TASOR: variants seen among roughly 807,000 people sequenced by gnomAD.
TASOR encodes transcription activation suppressor, also known as protein TASOR.
Under a neutral mutation model 178.6 loss-of-function variants are expected in TASOR, and 53 were observed. That is an observed-to-expected ratio of 0.30 (90% CI 0.24 to 0.37). The LOEUF (loss-of-function observed/expected upper bound fraction) is 0.37, where lower values mean the gene tolerates loss of function less well. Ranked by LOEUF, TASOR falls within the 10% of genes least tolerant of loss-of-function variation. The pLI, the probability that TASOR is intolerant of heterozygous loss-of-function variation, is 1.00. For missense variants in TASOR, 1,815 were observed against 1,971.4 expected, an observed-to-expected ratio of 0.92 and a Z score of 1.50; for synonymous variants, 713 against 696.2, an observed-to-expected ratio of 1.02 and a Z score of -0.38.
chr3:56,653,679 ACAG>A (rs1229451371), intron 11 of TASOR, among the ~76,000 whole-genome samples: 1 of 144,644 alleles, frequency 6.9e-6, no homozygotes, highest in Admixed American at 6.8e-5. Context: ...AATTGACCAC[ACAG>A]TAGATCTTAG....
Position 56,646,910 on chromosome 3 carries a change from A to G in TASOR, c.1827T>C (p.Pro609=), listed in dbSNP as rs1017880484. Residue 609 remains proline (P), a synonymous_variant, in exon 14 of 24, where the codon CCT becomes CCC. Coordinates refer to ENST00000683822, the MANE Select transcript of TASOR (RefSeq NM_001365635.2). ...DTCLHAYIFR[P]EVYQLPICKL... ...TACAAATAGGTAACTGATACACTTC[A>G]GGCCGAAAAATATAGGCATGCAAAC... 3 of 1,611,562 alleles carry G rather than the reference A, an allele frequency of 1.9e-6. No individual in the cohort carries two copies. In the African/African-American group the frequency reaches 4.0e-5, roughly 22 times the overall value.
At position 56,655,536 on chromosome 3, in the gene TASOR, G is replaced by A. The variant is rs921786483; in HGVS notation, c.1368+5195C>T. Among the ~76,000 whole-genome samples the A allele has an allele frequency of 4.6e-5, 7 of 152,246 alleles. 1 individual carries two copies. Among genetic ancestry groups the A allele is most frequent in the Admixed American group, 1.3e-4 (2 of 15,276 alleles). On this transcript the variant is annotated intron_variant, in intron 11 of 23. Coordinates refer to ENST00000683822, the MANE Select transcript of TASOR (RefSeq NM_001365635.2). ...AATACCAGCACTTTGGGAGGTGGAG[G>A]CATGAGGGTTGCTTAAGGCCAGGAG...
intron 1 of TASOR, among the ~76,000 whole-genome samples, chr3:56,679,112 CAAG>C (rs2031577464): frequency 6.6e-6 from 1 of 151,856 alleles, no homozygotes. Flanking sequence ...AAATAATTAG[CAAG>C]AAGAGGCTGA....
chr3:56,646,090 G>A (rs2077231931), intron 14 of TASOR, among the ~76,000 whole-genome samples: 1 of 152,204 alleles, frequency 6.6e-6, no homozygotes. Context: ...GGAGCTTGCA[G>A]TGAGCCGAGA....
At position 56,620,677 on chromosome 3, in the gene TASOR, C is replaced by T. The variant is rs932109272; in HGVS notation, c.*2360G>A. On this transcript the variant is annotated 3_prime_UTR_variant, in exon 24 of 24. Transcript: ENST00000683822. The stretch of plus-strand genomic sequence containing the variant: ...ACAAACAGGGTTACTAAGAGTTTTA[C>T]ATAAGTTATTTCTTTAGAGTGACGA... 6.6e-6 allele frequency: 1 copy of T among 152,188 alleles called. No individual in the cohort carries two copies. Among genetic ancestry groups the T allele is most frequent in the African/African-American group, 2.4e-5 (1 of 41,436 alleles). 9.4% of individuals were successfully genotyped at this position (152,188 alleles called of 1,614,324 possible). A position where few individuals can be genotyped will look rare whatever the true frequency, so the allele number is the denominator to read the frequency against.
chr3:56,682,768 G>A lies in TASOR; in HGVS notation c.239C>T (p.Ala80Val). 1 of 1,541,496 alleles carries A rather than the reference G, an allele frequency of 6.5e-7. No homozygotes were observed. The highest frequency in any genetic ancestry group is 8.8e-7 in the Non-Finnish European group (1 of 1,141,334). ...SHEQPQDSSE[A>V]GAAALPRGPE... is the part of the protein sequence containing the mutation. ...GCCTCTGGGCAGGGCGGCCGCGCCCGCCTCAGAGGAGTCCTGAGGCTGCTC... is the reference window on the plus strand; with the variant it reads ...GCCTCTGGGCAGGGCGGCCGCGCCCACCTCAGAGGAGTCCTGAGGCTGCTC... The change falls in exon 1 of 24, where the codon GCG becomes GTG. Residue 80 changes from alanine (A) to valine (V), a missense_variant. Ala to Val is a moderately conservative substitution (Grantham distance 64, BLOSUM62 0). This residue lies in a region of TASOR where 244 missense variants were observed against 202.7 expected (regional missense o/e 1.20). Transcript: ENST00000683822.
At chr3:56,650,368 C>T (rs1475357378) in intron 11 of TASOR, among the ~76,000 whole-genome samples, 2 of 152,168 alleles carry the variant, frequency 1.3e-5, no homozygotes, top group Non-Finnish European at 2.9e-5. Context: ...GCTTAGTTGA[C>T]CACTTTCTCC....
At chr3:56,642,905 G>A (rs2107568591) in intron 14 of TASOR, among the ~76,000 whole-genome samples, 1 of 152,274 alleles carries the variant, frequency 6.6e-6, no homozygotes, top group Middle Eastern at 3.4e-3. Flanking sequence ...GAACCCAGGA[G>A]GCGGAGGTTG....
rs764182186 is a variant in TASOR at position 56,633,973 on chromosome 3, AG to A, written c.2825-8del. 2.3e-5 allele frequency: 35 copies of A among 1,519,320 alleles called. No individual in the cohort carries two copies. Among genetic ancestry groups the A allele is most frequent in the Non-Finnish European group, 2.6e-5 (30 of 1,134,566 alleles). The allele number at this position is 1,519,320 out of a possible 1,614,324, so 94.1% of individuals were successfully genotyped here. A position where few individuals can be genotyped will look rare whatever the true frequency, so the allele number is the denominator to read the frequency against. On this transcript the variant is annotated splice_region_variant and splice_polypyrimidine_tract_variant and intron_variant, in intron 17 of 23. Transcript: ENST00000683822. ...TCTTCTGGTGATTTCATACCTATAC[AG>A]GAAGAGTTCATTATTATAAGAGCAA...
intron 7 of TASOR, among the ~76,000 whole-genome samples, chr3:56,665,185 A>T (rs564009795): frequency 6.6e-6 from 1 of 151,820 alleles, no homozygotes; most frequent in African/African-American, 2.4e-5. Flanking sequence ...AAAAAGAAAC[A>T]GAGGGTCCTC....
intron 18 of TASOR, among the ~76,000 whole-genome samples, chr3:56,632,005 G>A (rs970884127): frequency 6.6e-6 from 1 of 152,138 alleles, no homozygotes; most frequent in African/African-American, 2.4e-5. Flanking sequence ...CAAGTTTCTT[G>A]ATCAATAAAG....
rs371170544 is a variant in TASOR at position 56,640,124 on chromosome 3, T to C, written c.2626A>G (p.Asn876Asp). Residue 876 changes from asparagine (N) to aspartate (D), a missense_variant, in exon 16 of 24, where the codon AAT (asparagine) becomes GAT (aspartate). Asn to Asp is a conservative substitution (Grantham distance 23). Around this residue, in one of 5 missense-constraint regions of TASOR, gnomAD observed 655 missense variants for 671.1 expected, o/e 0.98. Coordinates refer to ENST00000683822, the MANE Select transcript of TASOR (RefSeq NM_001365635.2). ...DHKLHLKEDP[N>D]LISVNNFEDC... Reference sequence around the variant, plus strand: ...TCAAAATTATTCACGCTAATTAAATTTGGATCCTAAAAATCAAAGTACACA... The same window carrying C: ...TCAAAATTATTCACGCTAATTAAATCTGGATCCTAAAAATCAAAGTACACA... 1.6e-5 allele frequency: 25 copies of C among 1,612,482 alleles called. No individual in the cohort carries two copies. Among genetic ancestry groups the C allele is most frequent in the Non-Finnish European group, 1.9e-5 (22 of 1,179,464 alleles).
chr3:56,648,820 AC>A lies in TASOR; in HGVS notation c.1513+1del, dbSNP rs1412329085. Reference sequence around the variant, plus strand: ...CCAGATTTAGATATTCAAAGAACTTACAAGTAACTATGCTTCTAGGTTCTTG... The same window carrying A: ...CCAGATTTAGATATTCAAAGAACTTAAAGTAACTATGCTTCTAGGTTCTTG... On this transcript the variant is annotated splice_donor_variant, in intron 13 of 23. Transcript: ENST00000683822. LOFTEE classifies it high-confidence loss of function. The A allele has an allele frequency of 6.2e-7, 1 of 1,602,956 alleles. No homozygotes were observed. Among genetic ancestry groups the A allele is most frequent in the Non-Finnish European group, 8.5e-7 (1 of 1,173,138 alleles).
chr3:56,655,566 A>C (rs1399840366), intron 11 of TASOR, among the ~76,000 whole-genome samples: 1 of 152,170 alleles, frequency 6.6e-6, no homozygotes, highest in East Asian at 1.9e-4. Context: ...CAGGAGTTTG[A>C]GACAAGCCTG....
chr3:56,643,537 C>T (rs1319826435), intron 14 of TASOR, among the ~76,000 whole-genome samples: 2 of 151,866 alleles, frequency 1.3e-5, no homozygotes, highest in African/African-American at 2.4e-5. Context: ...CCGAGGCGGG[C>T]GGATCACAAG....
rs560356529 is a variant in TASOR at position 56,673,482 on chromosome 3, T to C, written c.477+98A>G. ...AACTTGTTTTCCCTTTGTAATTTGG[T>C]TTTCCTAAAAATTTTAGTATTTCTA... On this transcript the variant is annotated intron_variant, in intron 2 of 23. Coordinates refer to ENST00000683822, the MANE Select transcript of TASOR (RefSeq NM_001365635.2). The C allele has an allele frequency of 9.1e-5, 91 of 1,004,844 alleles. No individual in the cohort carries two copies. The African/African-American group carries it at 1.0e-3, about 11-fold the overall frequency. The allele number at this position is 1,004,844 out of a possible 1,614,324, so 62.2% of individuals were successfully genotyped here.
chr3:56,667,156 C>T (rs2030108152), intron 6 of TASOR, among the ~76,000 whole-genome samples: 2 of 152,152 alleles, frequency 1.3e-5, no homozygotes, highest in African/African-American at 4.8e-5. Flanking sequence ...ACCAATATTG[C>T]TACTGTCCAG....
At position 56,633,905 on chromosome 3, in the gene TASOR, G is replaced by T; in HGVS notation, c.2886C>A (p.Asp962Glu). Residue 962 changes from aspartate (D) to glutamate (E), a missense_variant, in exon 18 of 24, where the codon GAC becomes GAA. Asp to Glu is a conservative substitution (Grantham distance 45). Coordinates refer to ENST00000683822, the MANE Select transcript of TASOR (RefSeq NM_001365635.2). ...CVPPQEAFPNDPRVINRQRSS... is the reference protein window; with the variant it reads ...CVPPQEAFPNEPRVINRQRSS... ...TTCTCTGTCTATTTATTACCCGGGG[G>T]TCGTTAGGAAAGGCCTCCTGTGGTG... 1.3e-6 allele frequency: 2 copies of T among 1,575,362 alleles called. No homozygotes were observed. Among genetic ancestry groups the T allele is most frequent in the South Asian group, 1.2e-5 (1 of 86,812 alleles).
chr3:56,654,648 T>C (rs1039728648), intron 11 of TASOR, among the ~76,000 whole-genome samples: 2 of 152,160 alleles, frequency 1.3e-5, no homozygotes, highest in Non-Finnish European at 2.9e-5. Flanking sequence ...ACCTCCCTAA[T>C]GCAGGTTGGC....
Sources: gnomAD v4.1 joint callset for allele counts (sites outside exome capture counted in the v4.1 genomes callset) on GRCh38, gnomAD v4.1.1 for gene constraint, gnomAD v4.1.1 regional missense constraint, MANE v1.5 for transcripts, NCBI Gene and HGNC (gene_info 2026-07-23, HGNC 2026-07-21) for gene names.